The following PTGER3 variants were observed in gnomAD, a reference collection of about 807,000 sequenced individuals.
The protein encoded by PTGER3 is prostaglandin E2 receptor EP3 subtype.
PTGER3 carries 22 observed loss-of-function variants against 34.7 expected under a neutral mutation model. That is an observed-to-expected ratio of 0.63 (90% CI 0.45 to 0.91). The LOEUF (loss-of-function observed/expected upper bound fraction) is 0.91, where lower values mean the gene tolerates loss of function less well. PTGER3 is among the 40% of genes least tolerant of loss of function. The pLI, the probability that PTGER3 is intolerant of heterozygous loss-of-function variation, is 0.00. For synonymous variants in PTGER3, 241 were observed against 230.1 expected (o/e 1.05, Z -0.43); for missense variants, 468 against 519.4 (o/e 0.90, Z 0.96).
intron 4 of PTGER3, among the ~76,000 whole-genome samples, chr1:70,873,766 G>C (rs969115008): frequency 6.6e-5 from 10 of 151,662 alleles, no homozygotes; most frequent in African/African-American, 2.4e-4. Flanking sequence ...TCCTGCTTCA[G>C]CCTCCTGAGT....
At chr1:70,990,386 C>CATATATAT (rs34834591) in intron 2 of PTGER3, among the ~76,000 whole-genome samples, 1 of 131,402 alleles carries the variant, frequency 7.6e-6, no homozygotes, top group East Asian at 2.1e-4. Context: ...CACACACACA[C>CATATATAT]ATATATATAT....
intron 1 of PTGER3, among the ~76,000 whole-genome samples, chr1:71,037,603 C>G (rs924684370): frequency 1.3e-5 from 2 of 152,154 alleles, no homozygotes; most frequent in African/African-American, 4.8e-5. Flanking sequence ...TATTTTCCCC[C>G]ATATATCTGA....
chr1:70,895,163 G>A (rs1471559517), intron 4 of PTGER3, among the ~76,000 whole-genome samples: 2 of 152,086 alleles, frequency 1.3e-5, no homozygotes, highest in African/African-American at 4.8e-5. Flanking sequence ...TGACAAATAG[G>A]AGAAATTACA....
rs368873793 is a variant in PTGER3 at position 70,983,949 on chromosome 1, G to A, written c.1078-9561C>T. Reference sequence around the variant, plus strand: ...CTTCCTGAAAGGTCCTAGTCCCCAGGGATTTATTGCCATGGAAAGCCTGAA... The same window carrying A: ...CTTCCTGAAAGGTCCTAGTCCCCAGAGATTTATTGCCATGGAAAGCCTGAA... On this transcript the variant is annotated intron_variant, in intron 2 of 3. Coordinates refer to ENST00000306666, the MANE Select transcript of PTGER3 (RefSeq NM_198719.2). Among the ~76,000 whole-genome samples the A allele has an allele frequency of 4.6e-5, 7 of 152,134 alleles. No individual in the cohort carries two copies. The South Asian group carries it at 8.3e-4, about 18-fold the overall frequency.
rs528737132 is a variant in PTGER3, at chr1:70,986,245, C to T, written c.1078-11857G>A. 7.2e-5 allele frequency among the ~76,000 whole-genome samples: 11 copies of T among 152,222 alleles called. No individual in the cohort carries two copies. The East Asian group carries it at 1.7e-3, about 24-fold the overall frequency. ...GATAACCATAAAAATGGGCCACAAT[C>T]GACTCTCGGGGCTGCTTTTTCTATG... is the stretch of plus-strand genomic sequence containing the variant. On this transcript the variant is annotated intron_variant, in intron 2 of 3. Transcript: ENST00000306666.
chr1:71,020,694 C>CAGAG (rs1044789988), intron 1 of PTGER3, among the ~76,000 whole-genome samples: 2 of 126,412 alleles, frequency 1.6e-5, no homozygotes, highest in African/African-American at 6.2e-5. Flanking sequence ...TGTATGTTAG[C>CAGAG]AGAGTGTGTG....
At chr1:70,966,354 A>G (rs1006698456), downstream of PTGER3, among the ~76,000 whole-genome samples, 2 of 152,188 alleles carry the variant, frequency 1.3e-5, no homozygotes, top group Non-Finnish European at 2.9e-5. Flanking sequence ...GAACTTACTC[A>G]TGTAACCAAA....
intron 2 of PTGER3, among the ~76,000 whole-genome samples, chr1:70,962,715 G>A (rs998640511): frequency 6.6e-6 from 1 of 152,098 alleles, no homozygotes; most frequent in African/African-American, 2.4e-5. Context: ...CTCCCCTCAG[G>A]TCCCTCCCAC....
At chr1:70,915,414 A>G (rs1402071757) in intron 4 of PTGER3, among the ~76,000 whole-genome samples, 1 of 151,948 alleles carries the variant, frequency 6.6e-6, no homozygotes, top group Non-Finnish European at 1.5e-5. Context: ...AAAAAAGATC[A>G]TGAAAATGAA....
intron 4 of PTGER3, among the ~76,000 whole-genome samples, chr1:70,908,477 C>T (rs1646995884): frequency 6.6e-6 from 1 of 152,128 alleles, no homozygotes; most frequent in Non-Finnish European, 1.5e-5. Context: ...GTACTGGCTC[C>T]CAGAGTTTCC....
chr1:70,922,303 G>A (rs1209671097), intron 4 of PTGER3, among the ~76,000 whole-genome samples: 1 of 152,190 alleles, frequency 6.6e-6, no homozygotes, highest in East Asian at 1.9e-4. Flanking sequence ...TGTTTAACAA[G>A]AGGAAGGTTT....
chr1:70,917,901 G>C (rs1192758282), intron 4 of PTGER3, among the ~76,000 whole-genome samples: 4 of 151,932 alleles, frequency 2.6e-5, no homozygotes, highest in Non-Finnish European at 5.9e-5. Context: ...AATTATTTGA[G>C]TTCTTTTGCT....
chr1:70,968,417 A>G (rs1652760196), downstream of PTGER3, among the ~76,000 whole-genome samples: 1 of 152,162 alleles, frequency 6.6e-6, no homozygotes, highest in African/African-American at 2.4e-5. Context: ...AAAGTTCTTA[A>G]GGATCTTACT....
intron 4 of PTGER3, among the ~76,000 whole-genome samples, chr1:70,881,076 T>C (rs931621757): frequency 6.6e-6 from 1 of 152,242 alleles, no homozygotes; most frequent in Non-Finnish European, 1.5e-5. Context: ...TCTCTTTACA[T>C]AATCCCATAT....
intron 1 of PTGER3, among the ~76,000 whole-genome samples, chr1:71,025,171 T>TCCTTCCTTCCTTCTTTCCTA (rs1658811982): frequency 6.7e-6 from 1 of 149,532 alleles, no homozygotes; most frequent in Admixed American, 6.7e-5. Context: ...CTTCTTTCCT[T>TCCTTCCTTCCTTCTTTCCTA]CCTTTTTTTC....
intron 2 of PTGER3, among the ~76,000 whole-genome samples, chr1:70,975,955 C>T (rs1279668357): frequency 1.3e-5 from 2 of 152,078 alleles, no homozygotes; most frequent in East Asian, 3.9e-4. Context: ...CAACTAGGTT[C>T]CTCTTCCTGC....
chr1:71,047,522 T>C lies in PTGER3; in HGVS notation c.56A>G (p.His19Arg), dbSNP rs1269570712. The C allele has an allele frequency of 6.3e-7, 1 of 1,596,674 alleles. No individual in the cohort carries two copies. Among genetic ancestry groups the C allele is most frequent in the Admixed American group, 1.7e-5 (1 of 57,270 alleles). The stretch of plus-strand genomic sequence containing the variant: ...GGGCGCCCACATGCCTGTGTAGGAG[T>C]GGTTGAGGCGGGTGCAGAAGGGGGC... ...GDAPFCTRLN[H>R]SYTGMWAPER... is the part of the protein sequence containing the mutation. Residue 19 changes from histidine to arginine, a missense_variant, in exon 1 of 4, where the codon CAC (histidine) becomes CGC (arginine). His to Arg is a conservative substitution (Grantham distance 29). Coordinates refer to ENST00000306666, the MANE Select transcript of PTGER3 (RefSeq NM_198719.2).
chr1:70,880,228 GTCTTTCCTTTCCATATTTAGCAC>G (rs1646360957), intron 4 of PTGER3, among the ~76,000 whole-genome samples: 1 of 152,120 alleles, frequency 6.6e-6, no homozygotes, highest in African/African-American at 2.4e-5. Flanking sequence ...GCTGGTAACA[GTCTTTCCTTTCCATATTTAGCAC>G]TCCCTTAATG....
At chr1:71,011,440 G>T (rs901018863) in intron 2 of PTGER3, 38 of 985,076 alleles carry the variant, frequency 3.9e-5, no homozygotes, top group Non-Finnish European at 4.5e-5. Flanking sequence ...TGCTCAAATC[G>T]GTCCTTACAT....
Sources: allele counts gnomAD v4.1 joint callset (sites outside exome capture counted in the v4.1 genomes callset), GRCh38; gene constraint gnomAD v4.1.1; transcripts MANE v1.5; gene names NCBI Gene and HGNC (gene_info 2026-07-23, HGNC 2026-07-21).